GALNT17: variants seen among roughly 807,000 people sequenced by gnomAD.
GALNT17 encodes UDP-GalNAc:polypeptide N-acetylgalactosaminyltransferase-like 3.
Under a neutral mutation model 63.7 loss-of-function variants are expected in GALNT17, and 29 were observed. That is an observed-to-expected ratio of 0.46 (90% CI 0.34 to 0.62). GALNT17 has a LOEUF of 0.62. Ranked by LOEUF, GALNT17 falls within the 20% of genes least tolerant of loss-of-function variation. The pLI is 0.01. For synonymous variants in GALNT17, 305 were observed against 318.3 expected (o/e 0.96, Z 0.45); for missense variants, 603 against 799.6 (o/e 0.75, Z 2.97).
At chr7:71,621,745 AG>A (rs1562713380) in intron 6 of GALNT17, among the ~76,000 whole-genome samples, 1 of 152,198 alleles carries the variant, frequency 6.6e-6, no homozygotes, top group Non-Finnish European at 1.5e-5. Flanking sequence ...ATAACATTCT[AG>A]GGTAGAAATG....
At chr7:71,155,559 C>T (rs1383533156) in intron 1 of GALNT17, among the ~76,000 whole-genome samples, 6 of 151,820 alleles carry the variant, frequency 4.0e-5, no homozygotes, top group Admixed American at 3.9e-4. Context: ...AGGTGTGAGC[C>T]ACTGCGCCCA....
intron 1 of GALNT17, among the ~76,000 whole-genome samples, chr7:71,268,407 C>G (rs1279457240): frequency 6.6e-6 from 1 of 150,988 alleles, no homozygotes; most frequent in Non-Finnish European, 1.5e-5. Flanking sequence ...AAAAAATTAG[C>G]CAGGTGTGGT....
chr7:71,404,621 T>G (rs1357748111), intron 3 of GALNT17, among the ~76,000 whole-genome samples: 4 of 152,252 alleles, frequency 2.6e-5, no homozygotes, highest in Non-Finnish European at 5.9e-5. Flanking sequence ...ATGGCTATTC[T>G]TCAAGCCCAG....
At chr7:71,172,640 C>T (rs1585856506) in intron 1 of GALNT17, among the ~76,000 whole-genome samples, 1 of 152,098 alleles carries the variant, frequency 6.6e-6, no homozygotes, top group African/African-American at 2.4e-5. Context: ...AGGACCACTC[C>T]TGTGGAGTGG....
chr7:71,365,480 T>C (rs936036899), intron 2 of GALNT17, among the ~76,000 whole-genome samples: 13 of 152,176 alleles, frequency 8.5e-5, no homozygotes, highest in African/African-American at 3.1e-4. Context: ...CCTGTGGTGA[T>C]CCACCCGCCT....
At chr7:71,577,517 C>T (rs1007572975) in intron 6 of GALNT17, among the ~76,000 whole-genome samples, 2 of 150,500 alleles carry the variant, frequency 1.3e-5, no homozygotes, top group South Asian at 4.2e-4. Flanking sequence ...AGTGAGATAA[C>T]CTTCTTGCCG....
At chr7:71,232,290 C>T (rs1789805045) in intron 1 of GALNT17, among the ~76,000 whole-genome samples, 1 of 152,160 alleles carries the variant, frequency 6.6e-6, no homozygotes, top group South Asian at 2.1e-4. Flanking sequence ...CCACTGCCCC[C>T]ACCCCACCAT....
chr7:71,552,010 TTTTATTTATTTATTTA>T lies in GALNT17; in HGVS notation c.963-19239_963-19224del, dbSNP rs202005508. ...GCCAGGTTGACTTTCAGGTTGCTCT[TTTTATTTATTTATTTA>T]TTTATTTATTTATTTATTTATTTAT... On this transcript the variant is annotated intron_variant, in intron 5 of 10. Coordinates refer to ENST00000333538, the MANE Select transcript of GALNT17 (RefSeq NM_022479.3). 8.9e-4 allele frequency among the ~76,000 whole-genome samples: 114 copies of T among 128,314 alleles called. 2 individuals are homozygous for T. The highest frequency in any genetic ancestry group is 2.2e-3 in the African/African-American group (79 of 35,146). 84.2% of individuals were successfully genotyped at this position (128,314 alleles called of 152,430 possible). A position where few individuals can be genotyped will look rare whatever the true frequency, so the allele number is the denominator to read the frequency against.
At chr7:71,680,850 C>T (rs935907053) in intron 9 of GALNT17, among the ~76,000 whole-genome samples, 4 of 148,154 alleles carry the variant, frequency 2.7e-5, no homozygotes, top group South Asian at 2.2e-4. Context: ...CCTTTCCTTT[C>T]CTTTTTTCTT....
chr7:71,169,052 T>G (rs1341455060), intron 1 of GALNT17, among the ~76,000 whole-genome samples: 1 of 152,154 alleles, frequency 6.6e-6, no homozygotes, highest in Non-Finnish European at 1.5e-5. Context: ...TCTCCCAGCC[T>G]GGGGTCTTGT....
intron 2 of GALNT17, among the ~76,000 whole-genome samples, chr7:71,376,438 T>G (rs938590490): frequency 4.2e-5 from 6 of 144,320 alleles, no homozygotes; most frequent in East Asian, 2.1e-4. Context: ...TTTTTTTTTT[T>G]TTTTTTTTTT....
chr7:71,144,353 A>G (rs1004711437), intron 1 of GALNT17, among the ~76,000 whole-genome samples: 3 of 152,086 alleles, frequency 2.0e-5, no homozygotes, highest in Non-Finnish European at 4.4e-5. Context: ...CGTTGGTGCC[A>G]TAGGATGCAA....
intron 1 of GALNT17, among the ~76,000 whole-genome samples, chr7:71,149,102 T>C (rs556272814): frequency 4.4e-4 from 67 of 151,948 alleles, no homozygotes; most frequent in African/African-American, 1.6e-3. Flanking sequence ...TATCTTTTTC[T>C]GGAGACGGAG....
intron 5 of GALNT17, among the ~76,000 whole-genome samples, chr7:71,496,744 A>G (rs1052864258): frequency 1.3e-5 from 2 of 151,962 alleles, no homozygotes; most frequent in Non-Finnish European, 2.9e-5. Flanking sequence ...AACCGGCCTA[A>G]ATATCAATCA....
intron 5 of GALNT17, among the ~76,000 whole-genome samples, chr7:71,551,890 G>A (rs1343320959): frequency 2.0e-5 from 3 of 152,136 alleles, no homozygotes; most frequent in East Asian, 1.9e-4. Context: ...GCACAGGAGT[G>A]CTCACAGCCT....
chr7:71,544,902 C>A (rs1379823303), intron 5 of GALNT17, among the ~76,000 whole-genome samples: 1 of 150,268 alleles, frequency 6.7e-6, no homozygotes, highest in Non-Finnish European at 1.5e-5. Context: ...GCACCCCCAT[C>A]ACATCGGGAT....
intron 3 of GALNT17, among the ~76,000 whole-genome samples, chr7:71,404,192 A>T (rs2116396822): frequency 6.6e-6 from 1 of 152,354 alleles, no homozygotes; most frequent in Non-Finnish European, 1.5e-5. Flanking sequence ...TGGAAGAAGC[A>T]GTAGAGATGA....
chr7:71,569,160 C>T (rs1158609444), intron 5 of GALNT17, among the ~76,000 whole-genome samples: 6 of 152,206 alleles, frequency 3.9e-5, no homozygotes, highest in African/African-American at 7.2e-5. Context: ...TTAGTAGAGA[C>T]GGGGTTTCAC....
At chr7:71,393,107 C>T (rs903685088) in intron 3 of GALNT17, among the ~76,000 whole-genome samples, 3 of 151,994 alleles carry the variant, frequency 2.0e-5, no homozygotes, top group Admixed American at 6.6e-5. Flanking sequence ...TACTTGTTTT[C>T]TGGTATCTTG....
Sources: gnomAD v4.1 joint callset for allele counts (sites outside exome capture counted in the v4.1 genomes callset) on GRCh38, gnomAD v4.1.1 for gene constraint, MANE v1.5 for transcripts, NCBI Gene and HGNC (gene_info 2026-07-23, HGNC 2026-07-21) for gene names.